The following AGBL1 variants were observed in gnomAD, a reference collection of about 807,000 sequenced individuals.
AGBL1 encodes the protein AGBL carboxypeptidase 1, also known as cytosolic carboxypeptidase 4.
AGBL1 carries 130 observed loss-of-function variants against 118.9 expected under a neutral mutation model. The ratio of observed to expected loss-of-function variants is 1.09; its 90% CI spans 0.95 to 1.26. The LOEUF (loss-of-function observed/expected upper bound fraction) is 1.26. AGBL1 is among the 50% of genes most tolerant of loss of function. The probability of loss-of-function intolerance (pLI) is 0.00; values close to 1 mark genes in which losing one functional copy is unlikely to be tolerated. For synonymous variants in AGBL1, 555 were observed against 478.9 expected (o/e 1.16, Z -2.08); for missense variants, 1,584 against 1,298.1 (o/e 1.22, Z -3.38).
At chr15:86,984,125 T>G (rs1389267897) in intron 23 of AGBL1, among the ~76,000 whole-genome samples, 1 of 152,192 alleles carries the variant, frequency 6.6e-6, no homozygotes, top group Non-Finnish European at 1.5e-5. Flanking sequence ...AGTACTCATG[T>G]TACATTCCCA....
intron 22 of AGBL1, among the ~76,000 whole-genome samples, chr15:86,695,645 G>A (rs1024091055): frequency 6.6e-6 from 1 of 151,824 alleles, no homozygotes; most frequent in African/African-American, 2.4e-5. Flanking sequence ...GTTTGGGTTT[G>A]GTTTGTTCTT....
intron 22 of AGBL1, among the ~76,000 whole-genome samples, chr15:86,703,719 T>C (rs1023699241): frequency 2.0e-5 from 3 of 151,648 alleles, no homozygotes; most frequent in African/African-American, 7.3e-5. Flanking sequence ...TAAAGGGGAG[T>C]TTCTCTGCAC....
At chr15:86,488,059 A>G (rs1378623942) in intron 18 of AGBL1, among the ~76,000 whole-genome samples, 1 of 152,046 alleles carries the variant, frequency 6.6e-6, no homozygotes, top group Non-Finnish European at 1.5e-5. Context: ...CTCAGCCCCA[A>G]ATTTGGTTTC....
chr15:86,535,221 C>T (rs1188211232), intron 19 of AGBL1, among the ~76,000 whole-genome samples: 2 of 152,160 alleles, frequency 1.3e-5, no homozygotes, highest in African/African-American at 2.4e-5. Flanking sequence ...GCCAGAGAGG[C>T]GGCCTATAAG....
intron 1 of AGBL1, among the ~76,000 whole-genome samples, chr15:86,111,029 AACTGAGC>A (rs1897350152): frequency 6.6e-6 from 1 of 152,250 alleles, no homozygotes; most frequent in African/African-American, 2.4e-5. Flanking sequence ...ATGAGGAGTG[AACTGAGC>A]TGTCTGAATG....
chr15:86,800,903 GAGT>G (rs1222019954), intron 22 of AGBL1, among the ~76,000 whole-genome samples: 1 of 152,128 alleles, frequency 6.6e-6, no homozygotes, highest in Non-Finnish European at 1.5e-5. Context: ...AGCAGTTGCT[GAGT>G]TAGGTTATAG....
At chr15:86,945,406 A>G (rs2080807067) in intron 23 of AGBL1, among the ~76,000 whole-genome samples, 1 of 152,134 alleles carries the variant, frequency 6.6e-6, no homozygotes, top group Non-Finnish European at 1.5e-5. Context: ...AGTGGCTCAC[A>G]TCTGTAAATC....
At chr15:86,550,783 TC>T in intron 20 of AGBL1, among the ~76,000 whole-genome samples, 1 of 152,126 alleles carries the variant, frequency 6.6e-6, no homozygotes, top group Admixed American at 6.5e-5. Context: ...GAATGTATAT[TC>T]TTTTTGAGTG....
chr15:86,812,786 C>T (rs1162902308), intron 22 of AGBL1, among the ~76,000 whole-genome samples: 2 of 152,140 alleles, frequency 1.3e-5, no homozygotes, highest in African/African-American at 4.8e-5. Flanking sequence ...TTATATTGCA[C>T]TATGCTAGAT....
At chr15:86,847,236 G>A (rs1312636396) in intron 22 of AGBL1, among the ~76,000 whole-genome samples, 1 of 152,150 alleles carries the variant, frequency 6.6e-6, no homozygotes, top group Non-Finnish European at 1.5e-5. Flanking sequence ...TTTCTGCTGA[G>A]TTCAATCTAT....
At chr15:86,435,567 G>A (rs1404938573) in intron 18 of AGBL1, among the ~76,000 whole-genome samples, 1 of 152,140 alleles carries the variant, frequency 6.6e-6, no homozygotes, top group Non-Finnish European at 1.5e-5. Context: ...AGAGATTTAA[G>A]GTTCTGTGTC....
chr15:86,820,688 CTGGA>C (rs989676676), intron 22 of AGBL1, among the ~76,000 whole-genome samples: 22 of 152,080 alleles, frequency 1.4e-4, no homozygotes, highest in African/African-American at 5.1e-4. Context: ...ACAACAGAAA[CTGGA>C]GAGGATGTGG....
intron 17 of AGBL1, among the ~76,000 whole-genome samples, chr15:86,328,716 C>G (rs1403693618): frequency 6.6e-6 from 1 of 152,108 alleles, no homozygotes; most frequent in Non-Finnish European, 1.5e-5. Flanking sequence ...TGTGACTCAC[C>G]TTTCCACTAG....
chr15:86,715,951 T>C (rs1484585519), intron 22 of AGBL1, among the ~76,000 whole-genome samples: 2 of 151,658 alleles, frequency 1.3e-5, no homozygotes, highest in Admixed American at 6.6e-5. Context: ...TCCCAGCTAC[T>C]TGGGAGGCTG....
Position 86,295,407 on chromosome 15 carries a change from C to T in AGBL1, c.2373C>T (p.Phe791=), listed in dbSNP as rs1597695751. The change falls in exon 17 of 23, where the codon TTC becomes TTT. Residue 791 remains phenylalanine, a splice_region_variant and synonymous_variant. Transcript: ENST00000614907. The stretch of plus-strand genomic sequence containing the variant: ...ACAGTGATGAGCATCTAGAGCAGTT[C>T]CGTGAGTAAAATGGGATCCTCTTCG... ...ESNSDEHLEQ[F]RHRPYQVITA... 1 of 1,558,192 alleles carries T rather than the reference C, an allele frequency of 6.4e-7. No homozygotes were observed. Among genetic ancestry groups the T allele is most frequent in the Non-Finnish European group, 8.7e-7 (1 of 1,154,990 alleles).
intron 9 of AGBL1, among the ~76,000 whole-genome samples, chr15:86,258,543 G>C (rs901622903): frequency 6.6e-6 from 1 of 152,110 alleles, no homozygotes; most frequent in Non-Finnish European, 1.5e-5. Context: ...TCCCAAAAAG[G>C]CCTATTCTAT....
intron 12 of AGBL1, 91 bp downstream of exon 12, chr15:86,266,548 C>T: frequency 1.1e-6 from 1 of 887,146 alleles, no homozygotes; most frequent in Non-Finnish European, 1.7e-6. Flanking sequence ...ATAATCCACT[C>T]CTCCTCCTAA....
chr15:86,301,888 T>A (rs974202172), intron 17 of AGBL1, among the ~76,000 whole-genome samples: 1 of 152,148 alleles, frequency 6.6e-6, no homozygotes, highest in South Asian at 2.1e-4. Context: ...GAAAGCTCAG[T>A]TGGCAATCCA....
chr15:86,884,025 T>G (rs1397843828), intron 22 of AGBL1, among the ~76,000 whole-genome samples: 1 of 152,184 alleles, frequency 6.6e-6, no homozygotes, highest in African/African-American at 2.4e-5. Flanking sequence ...GACCCATGGA[T>G]AGAATATTCA....
Sources: gnomAD v4.1 joint callset for allele counts (sites outside exome capture counted in the v4.1 genomes callset) on GRCh38, gnomAD v4.1.1 for gene constraint, MANE v1.5 for transcripts, NCBI Gene and HGNC (gene_info 2026-07-23, HGNC 2026-07-21) for gene names.